The following GRIK2 variants were observed in gnomAD, a reference collection of about 807,000 sequenced individuals.
The protein encoded by GRIK2 is glutamate ionotropic receptor kainate type subunit 2, also known as glutamate receptor ionotropic, kainate 2.
A neutral mutation model predicts 100.3 loss-of-function variants in GRIK2; 32 were observed. That is an observed-to-expected ratio of 0.32 (90% CI 0.24 to 0.43). The LOEUF (loss-of-function observed/expected upper bound fraction) is 0.43. Ranked by LOEUF, GRIK2 falls within the 20% of genes least tolerant of loss-of-function variation. The pLI is 1.00. For missense variants in GRIK2, 843 were observed against 1,114.9 expected (o/e 0.76, Z 3.47); for synonymous variants, 417 against 389.4 (o/e 1.07, Z -0.83).
intron 2 of GRIK2, among the ~76,000 whole-genome samples, chr6:101,466,290 T>C (rs1464839113): frequency 6.6e-6 from 1 of 151,510 alleles, no homozygotes; most frequent in East Asian, 1.9e-4. Context: ...GATATAATAT[T>C]CATTAATATA....
chr6:101,805,741 G>C (rs9390784), intron 9 of GRIK2, among the ~76,000 whole-genome samples: 16,897 of 151,960 alleles, frequency 0.11, 2,037 homozygotes, highest in East Asian at 0.66. Flanking sequence ...CTGAAAAGAA[G>C]GTCATTTTGT....
At chr6:102,017,270 A>C (rs1255861288) in intron 14 of GRIK2, among the ~76,000 whole-genome samples, 1 of 152,100 alleles carries the variant, frequency 6.6e-6, no homozygotes, top group Non-Finnish European at 1.5e-5. Context: ...CAGGAGATGG[A>C]GAGAGTGAAG....
At chr6:102,062,082 A>G (rs79939842) in intron 16 of GRIK2, among the ~76,000 whole-genome samples, 2 of 150,106 alleles carry the variant, frequency 1.3e-5, no homozygotes, top group East Asian at 1.9e-4. Context: ...ATGATCCTCA[A>G]TTTTTCTCCA....
At chr6:101,819,356 A>T (rs1781815500) in intron 10 of GRIK2, among the ~76,000 whole-genome samples, 1 of 152,172 alleles carries the variant, frequency 6.6e-6, no homozygotes, top group Non-Finnish European at 1.5e-5. Context: ...AGCTATGAGG[A>T]ATATATATTC....
intron 4 of GRIK2, among the ~76,000 whole-genome samples, chr6:101,640,369 T>C (rs1582876629): frequency 6.6e-6 from 1 of 152,298 alleles, no homozygotes; most frequent in East Asian, 1.9e-4. Flanking sequence ...GCTGATGAAA[T>C]GTGATAAGTG....
intron 7 of GRIK2, among the ~76,000 whole-genome samples, chr6:101,742,437 T>C (rs1265527259): frequency 2.0e-5 from 3 of 152,180 alleles, no homozygotes; most frequent in Non-Finnish European, 4.4e-5. Context: ...AGAGATTTAC[T>C]CTGAGCCAAA....
intron 16 of GRIK2, among the ~76,000 whole-genome samples, chr6:102,059,505 G>C (rs895261136): frequency 2.0e-5 from 3 of 151,012 alleles, no homozygotes; most frequent in Non-Finnish European, 4.5e-5. Context: ...ATCACACTTT[G>C]GGTGTATGGA....
In GRIK2 at chr6:101,663,624, C is replaced by T. The variant is rs73761388; in HGVS notation, c.542-12999C>T. On this transcript the variant is annotated intron_variant, in intron 4 of 16. Coordinates refer to ENST00000369134, the MANE Select transcript of GRIK2 (RefSeq NM_021956.5). ...CTGTGTCTTCTTTTAAAAAGATGCC[C>T]GTTTGGTGAAAAATAAGAGTGACTG... 8.9e-3 allele frequency among the ~76,000 whole-genome samples: 1,347 copies of T among 152,194 alleles called. 14 individuals are homozygous for T. The highest frequency in any genetic ancestry group is 0.03 in the African/African-American group (1,255 of 41,524).
At chr6:102,010,515 C>G (rs1795476609) in intron 14 of GRIK2, among the ~76,000 whole-genome samples, 1 of 152,062 alleles carries the variant, frequency 6.6e-6, no homozygotes, top group African/African-American at 2.4e-5. Context: ...TCCCCAGTAG[C>G]TGGGACTACA....
intron 7 of GRIK2, among the ~76,000 whole-genome samples, chr6:101,698,512 C>T (rs1313667225): frequency 6.6e-6 from 1 of 152,014 alleles, no homozygotes; most frequent in Non-Finnish European, 1.5e-5. Flanking sequence ...CTTCAGAATG[C>T]CCTGTGACCA....
intron 2 of GRIK2, among the ~76,000 whole-genome samples, chr6:101,430,110 C>T (rs1582432681): frequency 6.6e-6 from 1 of 152,152 alleles, no homozygotes; most frequent in Non-Finnish European, 1.5e-5. Flanking sequence ...CACAGACTCA[C>T]CAAACCACGG....
At chr6:101,948,807 A>G (rs1468869004) in intron 14 of GRIK2, among the ~76,000 whole-genome samples, 1 of 152,034 alleles carries the variant, frequency 6.6e-6, no homozygotes, top group Non-Finnish European at 1.5e-5. Flanking sequence ...CAAGAAAACA[A>G]TCAAATTTCA....
chr6:101,572,009 T>G (rs909621564), intron 2 of GRIK2, among the ~76,000 whole-genome samples: 1 of 152,160 alleles, frequency 6.6e-6, no homozygotes, highest in African/African-American at 2.4e-5. Flanking sequence ...TCTTATTGTC[T>G]GCTGCCAGAG....
intron 10 of GRIK2, among the ~76,000 whole-genome samples, chr6:101,842,309 T>C (rs2764233): frequency 0.72 from 109,641 of 151,880 alleles, 42,097 homozygotes; most frequent in Non-Finnish European, 0.87. Context: ...TGCTTGGAAA[T>C]TCATTTATCT....
chr6:101,882,911 C>T (rs2128454227), intron 11 of GRIK2, among the ~76,000 whole-genome samples: 1 of 152,068 alleles, frequency 6.6e-6, no homozygotes, highest in Admixed American at 6.6e-5. Flanking sequence ...ATAACTAAAA[C>T]AGTTAATCAC....
At chr6:101,436,630 G>T (rs1336311778) in intron 2 of GRIK2, among the ~76,000 whole-genome samples, 1 of 151,894 alleles carries the variant, frequency 6.6e-6, no homozygotes, top group African/African-American at 2.4e-5. Flanking sequence ...TGGGGAATTG[G>T]TATCTTCAGC....
At chr6:101,656,029 A>C (rs1300245993) in intron 4 of GRIK2, among the ~76,000 whole-genome samples, 3 of 152,180 alleles carry the variant, frequency 2.0e-5, no homozygotes, top group Non-Finnish European at 4.4e-5. Flanking sequence ...CAGGCTGGGC[A>C]TGGTGGCTCA....
intron 14 of GRIK2, among the ~76,000 whole-genome samples, chr6:101,951,955 A>G (rs905553602): frequency 3.3e-5 from 5 of 152,220 alleles, no homozygotes; most frequent in Admixed American, 6.5e-5. Flanking sequence ...ATGAAAAGCA[A>G]TAGGACATTA....
intron 7 of GRIK2, among the ~76,000 whole-genome samples, chr6:101,747,541 T>C (rs1233694185): frequency 1.3e-5 from 2 of 152,224 alleles, no homozygotes; most frequent in Non-Finnish European, 2.9e-5. Flanking sequence ...AAGTAATTAA[T>C]ATCTGAATTT....
Sources: allele counts gnomAD v4.1 joint callset (sites outside exome capture counted in the v4.1 genomes callset), GRCh38; gene constraint gnomAD v4.1.1; transcripts MANE v1.5; gene names NCBI Gene and HGNC (gene_info 2026-07-23, HGNC 2026-07-21).